LOC400499: variants seen among roughly 807,000 people sequenced by gnomAD.
chr16:11,390,026 G>C, the LOC400499 span: 38 of 932,092 alleles, frequency 4.1e-5, no homozygotes, highest in African/African-American at 2.6e-4. Flanking sequence ...TCAGTGTGTC[G>C]GAAGGTGTCA....
the LOC400499 span, among the ~76,000 whole-genome samples, chr16:11,522,564 C>T: frequency 6.6e-6 from 1 of 152,134 alleles, no homozygotes; most frequent in Non-Finnish European, 1.5e-5. Flanking sequence ...CCACAATCAC[C>T]CCAGTTGAGA....
At chr16:11,490,593 T>C in the LOC400499 span, among the ~76,000 whole-genome samples, 2 of 151,766 alleles carry the variant, frequency 1.3e-5, no homozygotes, top group East Asian at 3.9e-4. Flanking sequence ...CCTAGCTACT[T>C]GGGAGGCTGA....
chr16:11,383,360 C>A, the LOC400499 span, among the ~76,000 whole-genome samples: 1 of 152,202 alleles, frequency 6.6e-6, no homozygotes, highest in Non-Finnish European at 1.5e-5. Flanking sequence ...AGCCACCGTG[C>A]CCAGCCTTGC....
the LOC400499 span, chr16:11,446,786 G>A: frequency 2.5e-4 from 388 of 1,536,158 alleles, 3 homozygotes; most frequent in South Asian, 4.4e-3. Context: ...ACCATGGTCT[G>A]CAGGGTTTCC....
chr16:11,518,675 C>A, the LOC400499 span, among the ~76,000 whole-genome samples: 9 of 152,092 alleles, frequency 5.9e-5, no homozygotes, highest in Middle Eastern at 3.2e-3. Flanking sequence ...TGAAGGCAGC[C>A]CCCCAGCGGT....
chr16:11,458,345 C>G, the LOC400499 span, among the ~76,000 whole-genome samples: 1 of 149,120 alleles, frequency 6.7e-6, no homozygotes, highest in African/African-American at 2.5e-5. Context: ...GACTCCATCT[C>G]AAAAAAAAAA....
At chr16:11,383,289 G>C in the LOC400499 span, among the ~76,000 whole-genome samples, 2 of 152,060 alleles carry the variant, frequency 1.3e-5, no homozygotes, top group South Asian at 4.1e-4. Context: ...GGATGGTCTC[G>C]ATCTCCTGAC....
chr16:11,441,832 C>G, the LOC400499 span, among the ~76,000 whole-genome samples: 1 of 152,198 alleles, frequency 6.6e-6, no homozygotes, highest in Non-Finnish European at 1.5e-5. Context: ...CCAGAAGGAA[C>G]ACAACCCTGC....
chr16:11,524,345 T>C, the LOC400499 span, among the ~76,000 whole-genome samples: 1 of 135,420 alleles, frequency 7.4e-6, no homozygotes, highest in Admixed American at 7.3e-5. Context: ...CTCCCTCCTA[T>C]CCATCCATCC....
chr16:11,396,370 A>G, the LOC400499 span: 10 of 799,720 alleles, frequency 1.3e-5, no homozygotes, highest in Non-Finnish European at 1.7e-5. Context: ...GGCCCCATCC[A>G]GAATGCTGGT....
the LOC400499 span, chr16:11,385,123 A>G: frequency 2.4e-6 from 3 of 1,231,446 alleles, no homozygotes; most frequent in Non-Finnish European, 3.0e-6. Context: ...GACAAGCTTG[A>G]AAGTGCCATC....
At chr16:11,464,366 G>A in the LOC400499 span, among the ~76,000 whole-genome samples, 1 of 152,222 alleles carries the variant, frequency 6.6e-6, no homozygotes. Flanking sequence ...CTTCCTCAAG[G>A]TGCACATGAA....
chr16:11,505,500 C>T, the LOC400499 span, among the ~76,000 whole-genome samples: 1 of 115,632 alleles, frequency 8.6e-6, no homozygotes, highest in Non-Finnish European at 1.6e-5. Context: ...GTCACCCAGG[C>T]TGGAGTGCAG....
the LOC400499 span, among the ~76,000 whole-genome samples, chr16:11,404,143 CCACCCCACCTAAAGGAGGCCCA>C: frequency 6.6e-6 from 1 of 152,190 alleles, no homozygotes; most frequent in Non-Finnish European, 1.5e-5. Flanking sequence ...CCTTCCCAGA[CCACCCCACCTAAAGGAGGCCCA>C]CACCCCACAA....
the LOC400499 span, chr16:11,515,993 A>G: frequency 5.0e-6 from 2 of 399,742 alleles, no homozygotes; most frequent in East Asian, 3.6e-5. Context: ...GCACCGTGCC[A>G]GGTCCTTTGT....
At chr16:11,392,973 C>T in the LOC400499 span, among the ~76,000 whole-genome samples, 6 of 152,312 alleles carry the variant, frequency 3.9e-5, no homozygotes, top group African/African-American at 1.4e-4. Flanking sequence ...CCTGCCTCAG[C>T]CTCCTGAGTA....
chr16:11,457,322 G>C, the LOC400499 span, among the ~76,000 whole-genome samples: 37 of 152,314 alleles, frequency 2.4e-4, no homozygotes, highest in African/African-American at 8.9e-4. Context: ...GGCCGGGCAC[G>C]GTGGCTCACG....
chr16:11,403,062 G>A, the LOC400499 span, among the ~76,000 whole-genome samples: 10 of 152,202 alleles, frequency 6.6e-5, no homozygotes, highest in South Asian at 2.1e-4. Context: ...CCCCAGGTGA[G>A]TCAAGCTGAC....
At chr16:11,502,034 C>T in the LOC400499 span, 3 of 398,958 alleles carry the variant, frequency 7.5e-6, no homozygotes, top group East Asian at 3.6e-5. Flanking sequence ...GGGATGCCCC[C>T]AGCCAGCTCC....
Sources: allele counts gnomAD v4.1 joint callset (sites outside exome capture counted in the v4.1 genomes callset), GRCh38; gene constraint gnomAD v4.1.1; transcripts MANE v1.5.